The following ROR2 variants were observed in gnomAD, a reference collection of about 807,000 sequenced individuals.
The protein encoded by ROR2 is ROR family WNT receptor 2, also known as tyrosine-protein kinase transmembrane receptor ROR2.
In ROR2, 33 loss-of-function variants were observed where a neutral mutation model predicts 74.9. That is an observed-to-expected ratio of 0.44 (90% CI 0.33 to 0.59). The LOEUF is 0.59. ROR2 is among the 20% of genes least tolerant of loss of function. The pLI, the probability that ROR2 is intolerant of heterozygous loss-of-function variation, is 0.02. For missense variants in ROR2, 1,216 were observed against 1,313.8 expected (o/e 0.93, Z 1.15); for synonymous variants, 586 against 558.7 (o/e 1.05, Z -0.69).
intron 1 of ROR2, among the ~76,000 whole-genome samples, chr9:91,853,742 A>G (rs1340068762): frequency 1.3e-5 from 2 of 152,202 alleles, no homozygotes; most frequent in East Asian, 3.9e-4. Flanking sequence ...ATGCTGTGAC[A>G]GTAGCGCATG....
intron 5 of ROR2, among the ~76,000 whole-genome samples, chr9:91,737,134 G>T (rs1825057402): frequency 6.6e-6 from 1 of 152,218 alleles, no homozygotes. Context: ...CGGTTTGGCT[G>T]AGTTAAAAGT....
At chr9:91,812,564 C>T (rs1827793590) in intron 1 of ROR2, among the ~76,000 whole-genome samples, 1 of 145,486 alleles carries the variant, frequency 6.9e-6, no homozygotes, top group Non-Finnish European at 1.5e-5. Flanking sequence ...CCCCGCCCCA[C>T]CCCCCCCACA....
intron 2 of ROR2, among the ~76,000 whole-genome samples, chr9:91,772,575 C>CT (rs1217421051): frequency 1.3e-5 from 2 of 152,220 alleles, no homozygotes; most frequent in Non-Finnish European, 2.9e-5. Context: ...TTCTGTGGTT[C>CT]TTTGCTTTCT....
At chr9:91,794,012 T>C (rs1827092140) in intron 1 of ROR2, among the ~76,000 whole-genome samples, 1 of 152,218 alleles carries the variant, frequency 6.6e-6, no homozygotes, top group South Asian at 2.1e-4. Context: ...CTATGCACAG[T>C]TCCACAGCCA....
chr9:91,889,938 G>T (rs1830384255), intron 1 of ROR2, among the ~76,000 whole-genome samples: 1 of 152,174 alleles, frequency 6.6e-6, no homozygotes, highest in Admixed American at 6.5e-5. Context: ...TTAGCGGGGA[G>T]GGGGTTACCA....
intron 1 of ROR2, among the ~76,000 whole-genome samples, chr9:91,843,343 G>A (rs188409960): frequency 5.6e-4 from 85 of 152,324 alleles, no homozygotes; most frequent in African/African-American, 1.8e-3. Flanking sequence ...ACGCTCCCCC[G>A]TGGGGCAGGT....
At chr9:91,897,528 G>C (rs1042500603) in intron 1 of ROR2, among the ~76,000 whole-genome samples, 2 of 151,912 alleles carry the variant, frequency 1.3e-5, no homozygotes, top group African/African-American at 4.8e-5. Context: ...AAGTGATACT[G>C]GGTGATGCTC....
intron 2 of ROR2, among the ~76,000 whole-genome samples, chr9:91,767,657 G>A (rs1826101538): frequency 6.6e-6 from 1 of 152,256 alleles, no homozygotes; most frequent in Non-Finnish European, 1.5e-5. Context: ...CGTTGCGGGT[G>A]TGGAACAGTG....
At chr9:91,928,939 T>C (rs1402040514) in intron 1 of ROR2, among the ~76,000 whole-genome samples, 1 of 152,260 alleles carries the variant, frequency 6.6e-6, no homozygotes, top group Non-Finnish European at 1.5e-5. Context: ...CTGCTTATTT[T>C]GCTACAGGTG....
chr9:91,775,816 C>G lies in ROR2; in HGVS notation c.100G>C (p.Glu34Gln). ...TCGTTCGGATCCAGAACCTCCACTT[C>G]ACCTGGGAAAAAGAAACCAGGATAG... ...LLLSVSRTSG[E>Q]VEVLDPNDPL... Residue 34 changes from glutamate (E) to glutamine (Q), a missense_variant and splice_region_variant, in exon 2 of 9, where the codon GAA becomes CAA. By Grantham distance (29) the Glu-to-Gln change is conservative. Coordinates refer to ENST00000375708, the MANE Select transcript of ROR2 (RefSeq NM_004560.4). 6.2e-7 allele frequency: 1 copy of G among 1,614,116 alleles called. No homozygotes were observed. The highest frequency in any genetic ancestry group is 2.2e-5 in the East Asian group (1 of 44,884).
At chr9:91,782,413 C>A (rs939581766) in intron 1 of ROR2, among the ~76,000 whole-genome samples, 1 of 151,670 alleles carries the variant, frequency 6.6e-6, no homozygotes, top group African/African-American at 2.4e-5. Context: ...AAAAAAACAC[C>A]CTGATTAGAA....
At chr9:91,748,920 A>G (rs970632380) in intron 4 of ROR2, among the ~76,000 whole-genome samples, 1 of 152,042 alleles carries the variant, frequency 6.6e-6, no homozygotes, top group Admixed American at 6.6e-5. Context: ...CCAGCTACTC[A>G]GGAGGCTGAG....
chr9:91,737,605 T>C (rs1825077895), intron 4 of ROR2, 87 bp from the exon 5 acceptor site: 1 of 1,589,422 alleles, frequency 6.3e-7, no homozygotes, highest in Non-Finnish European at 8.6e-7. Context: ...CATCTTGCGA[T>C]CCAGCAATTT....
At chr9:91,879,969 G>A (rs1165813527) in intron 1 of ROR2, among the ~76,000 whole-genome samples, 1 of 152,046 alleles carries the variant, frequency 6.6e-6, no homozygotes, top group Non-Finnish European at 1.5e-5. Context: ...GAAGTCAACA[G>A]ATGTTACTAC....
intron 1 of ROR2, among the ~76,000 whole-genome samples, 160 bp downstream of exon 1, chr9:91,949,707 C>T (rs1262198386): frequency 6.6e-6 from 1 of 152,016 alleles, no homozygotes; most frequent in South Asian, 2.1e-4. Context: ...GGGTGCGGGC[C>T]GGGAGCGGCG....
At chr9:91,878,776 C>A (rs946992759) in intron 1 of ROR2, among the ~76,000 whole-genome samples, 1 of 152,236 alleles carries the variant, frequency 6.6e-6, no homozygotes, top group African/African-American at 2.4e-5. Context: ...AAAAGCTGCA[C>A]TTTAAGAAAC....
At chr9:91,812,301 C>T (rs1365323904) in intron 1 of ROR2, among the ~76,000 whole-genome samples, 1 of 151,850 alleles carries the variant, frequency 6.6e-6, no homozygotes, top group Non-Finnish European at 1.5e-5. Flanking sequence ...AGAAAACGGG[C>T]GGATTTAGCA....
chr9:91,727,344 A>G (rs1177335822), intron 7 of ROR2, among the ~76,000 whole-genome samples: 1 of 152,222 alleles, frequency 6.6e-6, no homozygotes, highest in African/African-American at 2.4e-5. Context: ...CAGGGGCACA[A>G]GAATTCTTGG....
Position 91,905,654 on chromosome 9 carries a change from C to T in ROR2, c.97+44213G>A, listed in dbSNP as rs939407486. Among the ~76,000 whole-genome samples the T allele has an allele frequency of 1.3e-5, 2 of 151,346 alleles. No individual in the cohort carries two copies. Among genetic ancestry groups the T allele is most frequent in the African/African-American group, 4.9e-5 (2 of 41,210 alleles). On this transcript the variant is annotated intron_variant, in intron 1 of 8. Transcript: ENST00000375708. The surrounding 1 kb of genome is among the most constrained non-coding windows in gnomAD (Gnocchi z 5.3). ...CACACATAAACACACATAACACACACGTACACCACACATACACTCCAAAAT... is the reference window on the plus strand; with the variant it reads ...CACACATAAACACACATAACACACATGTACACCACACATACACTCCAAAAT...
Sources: allele counts gnomAD v4.1 joint callset (sites outside exome capture counted in the v4.1 genomes callset), GRCh38; gene constraint gnomAD v4.1.1; non-coding constraint Gnocchi (gnomAD v3.1); transcripts MANE v1.5; gene names NCBI Gene and HGNC (gene_info 2026-07-23, HGNC 2026-07-21).